Variants in FOXP2 observed in about 807,000 individuals in gnomAD.
FOXP2 encodes forkhead box P2.
In FOXP2, 12 loss-of-function variants were observed where a neutral mutation model predicts 115.8. The ratio of observed to expected loss-of-function variants is 0.10; its 90% CI spans 0.07 to 0.17. The LOEUF is 0.17. Among genes scored for constraint, FOXP2 ranks in the 10% least tolerant of loss-of-function variants. FOXP2 has a pLI of 1.00. For missense variants in FOXP2, 629 were observed against 843.5 expected, an observed-to-expected ratio of 0.75 and a Z score of 3.15; for synonymous variants, 328 against 297.7, an observed-to-expected ratio of 1.10 and a Z score of -1.05.
In FOXP2 at chr7:114,475,696, C is replaced by T. The variant is rs115144586; in HGVS notation, c.168+49017C>T. On this transcript the variant is annotated intron_variant, in intron 2 of 16. Transcript: ENST00000350908. ...AAATATGACTATGCCAAATAGTAAGCATACTTTTCCTTAATTAATAATCAA... is the reference window on the plus strand; with the variant it reads ...AAATATGACTATGCCAAATAGTAAGTATACTTTTCCTTAATTAATAATCAA... Among the ~76,000 whole-genome samples the T allele has an allele frequency of 4.8e-3, 723 of 152,132 alleles. 6 individuals carry two copies. The highest frequency in any genetic ancestry group is 0.017 in the African/African-American group (704 of 41,548).
At chr7:114,486,377 C>G (rs2079070) in intron 2 of FOXP2, among the ~76,000 whole-genome samples, 123,845 of 152,100 alleles carry the variant, frequency 0.81, 51,245 homozygotes, top group African/African-American at 0.95. Flanking sequence ...GACTTACTTA[C>G]CCCCACCAGT....
At chr7:114,562,547 T>G (rs949076658) in intron 3 of FOXP2, among the ~76,000 whole-genome samples, 1 of 152,174 alleles carries the variant, frequency 6.6e-6, no homozygotes, top group African/African-American at 2.4e-5. Context: ...CTTTGTATCA[T>G]AATGAGATTT....
intron 2 of FOXP2, among the ~76,000 whole-genome samples, chr7:114,375,926 A>T (rs1398710625): frequency 2.0e-5 from 1 of 50,884 alleles, no homozygotes; most frequent in Non-Finnish European, 7.9e-5. Context: ...GATAGGAATA[A>T]CAAAGTTACA....
chr7:114,663,290 A>G (rs1388295175), intron 14 of FOXP2, among the ~76,000 whole-genome samples, 160 bp from the exon 15 acceptor site: 1 of 152,148 alleles, frequency 6.6e-6, no homozygotes, highest in African/African-American at 2.4e-5. Flanking sequence ...GTAAAGGGTT[A>G]TATATTTGAA....
chr7:114,487,393 C>T (rs546096847), intron 2 of FOXP2, among the ~76,000 whole-genome samples: 46 of 152,166 alleles, frequency 3.0e-4, no homozygotes, highest in Admixed American at 5.9e-4. Flanking sequence ...CCATTTTTTC[C>T]TCCTAAGCCT....
chr7:114,536,397 C>CTT (rs3997242), intron 3 of FOXP2, among the ~76,000 whole-genome samples: 83 of 112,212 alleles, frequency 7.4e-4, no homozygotes, highest in East Asian at 3.5e-3. Context: ...TTTTTCTTTT[C>CTT]TTTTTTTTTT....
chr7:114,148,301 A>G (rs1033248701), intron 1 of FOXP2, among the ~76,000 whole-genome samples: 1 of 151,878 alleles, frequency 6.6e-6, no homozygotes, highest in Non-Finnish European at 1.5e-5. Context: ...ATATTGGTAA[A>G]TTTGCTTTAC....
At chr7:114,123,076 C>T in intron 1 of FOXP2, among the ~76,000 whole-genome samples, 1 of 151,896 alleles carries the variant, frequency 6.6e-6, no homozygotes, top group East Asian at 1.9e-4. Context: ...TTGGACTGTT[C>T]ATAGTGGCTA....
intron 11 of FOXP2, among the ~76,000 whole-genome samples, chr7:114,658,764 T>A (rs1806719120): frequency 6.6e-6 from 1 of 152,344 alleles, no homozygotes; most frequent in African/African-American, 2.4e-5. Context: ...AGGCAAACTT[T>A]GCATTTGCAT....
In FOXP2 at chr7:114,689,763, G is replaced by A. The variant is rs573690244; in HGVS notation, c.2004-19G>A. On this transcript the variant is annotated intron_variant, in intron 16 of 16. Transcript: ENST00000350908. The stretch of plus-strand genomic sequence containing the variant: ...GTTGCTTACTTAGTAAAATTTTGGT[G>A]TATCTACATGTTTTTCAGACATTCA... The A allele has an allele frequency of 9.9e-6, 16 of 1,612,700 alleles. No homozygotes were observed. The South Asian group carries it at 1.5e-4, about 15-fold the overall frequency.
At chr7:114,451,044 A>C (rs1240789431) in intron 2 of FOXP2, among the ~76,000 whole-genome samples, 1 of 152,102 alleles carries the variant, frequency 6.6e-6, no homozygotes, top group Non-Finnish European at 1.5e-5. Flanking sequence ...ATATCTGATA[A>C]AAGGTTTCAG....
intron 1 of FOXP2, among the ~76,000 whole-genome samples, chr7:114,109,050 CTG>C (rs1487891875): frequency 2.0e-5 from 3 of 151,810 alleles, no homozygotes; most frequent in Admixed American, 2.0e-4. Context: ...AATAAGCACT[CTG>C]TGTTACTCAT....
intron 3 of FOXP2, among the ~76,000 whole-genome samples, chr7:114,616,844 G>A (rs1257393175): frequency 6.6e-6 from 1 of 152,184 alleles, no homozygotes; most frequent in Non-Finnish European, 1.5e-5. Context: ...GCAGCTCGAG[G>A]CTGGAAGATT....
At chr7:114,245,357 T>A (rs1261840615) in intron 1 of FOXP2, among the ~76,000 whole-genome samples, 3 of 152,210 alleles carry the variant, frequency 2.0e-5, no homozygotes, top group African/African-American at 4.8e-5. Context: ...AGAAGATGAA[T>A]GCAGGAAACA....
intron 2 of FOXP2, among the ~76,000 whole-genome samples, chr7:114,503,726 T>A (rs1345313561): frequency 1.3e-5 from 2 of 151,266 alleles, no homozygotes; most frequent in African/African-American, 4.8e-5. Context: ...TTTCCCCCAA[T>A]CTGGACCTCA....
intron 3 of FOXP2, among the ~76,000 whole-genome samples, chr7:114,576,786 G>A (rs900517898): frequency 2.6e-5 from 4 of 151,800 alleles, no homozygotes; most frequent in East Asian, 1.9e-4. Context: ...TAGTTTTTGC[G>A]TATTTCTAAA....
chr7:114,369,524 TA>T (rs1467219030), intron 2 of FOXP2, among the ~76,000 whole-genome samples: 2 of 151,758 alleles, frequency 1.3e-5, no homozygotes, highest in Non-Finnish European at 2.9e-5. Flanking sequence ...TGATCTTGCT[TA>T]AACACTGCTA....
chr7:114,392,931 C>T (rs961790283), intron 2 of FOXP2, among the ~76,000 whole-genome samples: 1 of 152,132 alleles, frequency 6.6e-6, no homozygotes, highest in African/African-American at 2.4e-5. Context: ...TTAAGAGAAT[C>T]AGTGCTGACG....
At chr7:114,688,134 T>C (rs1398325363) in intron 16 of FOXP2, among the ~76,000 whole-genome samples, 1 of 150,194 alleles carries the variant, frequency 6.7e-6, no homozygotes, top group Admixed American at 6.7e-5. Flanking sequence ...AATGTGCTTG[T>C]CCTTTTCCTT....
Sources: allele counts gnomAD v4.1 joint callset (sites outside exome capture counted in the v4.1 genomes callset), GRCh38; gene constraint gnomAD v4.1.1; transcripts MANE v1.5; gene names NCBI Gene and HGNC (gene_info 2026-07-23, HGNC 2026-07-21).